MAP2: variants seen among roughly 807,000 people sequenced by gnomAD.
MAP2 encodes microtubule associated protein 2, also known as microtubule-associated protein 2.
A neutral mutation model predicts 137.6 loss-of-function variants in MAP2; 14 were observed. The ratio of observed to expected loss-of-function variants is 0.10; its 90% CI spans 0.07 to 0.16. The LOEUF (loss-of-function observed/expected upper bound fraction) is 0.16. MAP2 is among the 10% of genes least tolerant of loss of function. The probability of loss-of-function intolerance (pLI) is 1.00; values close to 1 mark genes in which losing one functional copy is unlikely to be tolerated. For synonymous variants in MAP2, 786 were observed against 782.3 expected, an observed-to-expected ratio of 1.00 and a Z score of -0.08; for missense variants, 2,088 against 2,191.5, an observed-to-expected ratio of 0.95 and a Z score of 0.94.
intron 2 of MAP2, among the ~76,000 whole-genome samples, chr2:209,543,202 G>A (rs2067362685): frequency 6.6e-6 from 1 of 152,178 alleles, no homozygotes. Context: ...AGAAATAGGG[G>A]AAAGGCCAGT....
intron 7 of MAP2, among the ~76,000 whole-genome samples, chr2:209,685,304 C>T (rs1376838052): frequency 6.6e-6 from 1 of 152,144 alleles, no homozygotes; most frequent in Non-Finnish European, 1.5e-5. Flanking sequence ...AATAAATATT[C>T]CATTTATTAT....
At chr2:209,477,537 A>G (rs1223586367) in intron 1 of MAP2, among the ~76,000 whole-genome samples, 1 of 152,192 alleles carries the variant, frequency 6.6e-6, no homozygotes, top group Non-Finnish European at 1.5e-5. Context: ...AATAAAGAAC[A>G]TTAGGCTATT....
chr2:209,616,561 T>C (rs553346149), intron 3 of MAP2, among the ~76,000 whole-genome samples: 1 of 152,340 alleles, frequency 6.6e-6, no homozygotes, highest in African/African-American at 2.4e-5. Flanking sequence ...GGAGCTCATC[T>C]ACACAAAGTT....
At chr2:209,512,900 G>A (rs984914738) in intron 2 of MAP2, among the ~76,000 whole-genome samples, 12 of 152,050 alleles carry the variant, frequency 7.9e-5, no homozygotes, top group African/African-American at 2.9e-4. Context: ...TCCTGCCTTG[G>A]CTTTCCAAAG....
chr2:209,455,726 C>G (rs749119239), intron 1 of MAP2, among the ~76,000 whole-genome samples: 12 of 152,050 alleles, frequency 7.9e-5, no homozygotes, highest in Non-Finnish European at 1.6e-4. Context: ...TTTAAAAAGC[C>G]ACCTTGTAAT....
At chr2:209,580,234 C>T (rs2076106624) in intron 3 of MAP2, 134 bp downstream of exon 3, 1 of 151,950 alleles carries the variant, frequency 6.6e-6, no homozygotes, top group Admixed American at 6.6e-5. Flanking sequence ...ATTGCATATA[C>T]CATTTTCTAT....
At chr2:209,447,818 C>T (rs762637712) in intron 1 of MAP2, among the ~76,000 whole-genome samples, 1 of 151,954 alleles carries the variant, frequency 6.6e-6, no homozygotes, top group Non-Finnish European at 1.5e-5. Context: ...TAACTCCATG[C>T]CCTAGCTAAA....
At chr2:209,506,994 G>A (rs114791246) in intron 1 of MAP2, among the ~76,000 whole-genome samples, 1,556 of 152,162 alleles carry the variant, frequency 0.01, 30 homozygotes, top group African/African-American at 0.036. Flanking sequence ...TTTTTCCTCC[G>A]CCTTCATATG....
intron 2 of MAP2, among the ~76,000 whole-genome samples, chr2:209,547,616 A>G (rs190212023): frequency 1.5e-3 from 225 of 152,266 alleles, no homozygotes; most frequent in Non-Finnish European, 2.2e-3. Context: ...TTCCTGCTCT[A>G]CTACTTATTT....
At chr2:209,556,183 G>A (rs1426557597) in intron 2 of MAP2, among the ~76,000 whole-genome samples, 1 of 151,690 alleles carries the variant, frequency 6.6e-6, no homozygotes, top group Non-Finnish European at 1.5e-5. Context: ...TGGGACTATA[G>A]GCACATACCA....
At chr2:209,715,871 C>T (rs1004224532) in intron 13 of MAP2, among the ~76,000 whole-genome samples, 4 of 152,156 alleles carry the variant, frequency 2.6e-5, no homozygotes, top group Non-Finnish European at 5.9e-5. Flanking sequence ...ATTATTACAT[C>T]TATTCAAATA....
At chr2:209,626,677 A>T (rs1249173076) in intron 4 of MAP2, among the ~76,000 whole-genome samples, 1 of 152,236 alleles carries the variant, frequency 6.6e-6, no homozygotes, top group East Asian at 1.9e-4. Flanking sequence ...TTAAAAGTTT[A>T]CATGAAGGGC....
intron 5 of MAP2, among the ~76,000 whole-genome samples, chr2:209,676,769 A>ATATC (rs1559535189): frequency 1.3e-4 from 12 of 94,176 alleles, no homozygotes; most frequent in South Asian, 1.1e-3. Flanking sequence ...ATATATATAT[A>ATATC]TATCTCCCAA....
chr2:209,602,180 TC>T (rs2083211419), intron 3 of MAP2, among the ~76,000 whole-genome samples: 1 of 152,210 alleles, frequency 6.6e-6, no homozygotes, highest in Non-Finnish European at 1.5e-5. Flanking sequence ...CTATGCATAT[TC>T]TTTTTATATT....
At chr2:209,447,184 C>G (rs1286348461) in intron 1 of MAP2, among the ~76,000 whole-genome samples, 1 of 151,920 alleles carries the variant, frequency 6.6e-6, no homozygotes, top group Non-Finnish European at 1.5e-5. Flanking sequence ...ACTAAAACAT[C>G]CTTTTTGTTC....
rs535340341 is a variant in MAP2 at position 209,536,852 on chromosome 2, G to A, written c.-172+29211G>A. On this transcript the variant is annotated intron_variant, in intron 2 of 15. Transcript: ENST00000682079. ...AAATTTAGGTTTATCCAGGACAGAA[G>A]TTTTCATCTTCACCCTTTGTTTCAA... Among the ~76,000 whole-genome samples the A allele has an allele frequency of 7.2e-5, 11 of 152,212 alleles. 1 individual carries two copies. The South Asian group carries it at 2.3e-3, about 32-fold the overall frequency.
intron 3 of MAP2, among the ~76,000 whole-genome samples, chr2:209,595,107 A>G (rs927440079): frequency 1.3e-5 from 2 of 152,166 alleles, no homozygotes; most frequent in African/African-American, 4.8e-5. Flanking sequence ...ACATTGGTAT[A>G]TTTTTCACCT....
intron 2 of MAP2, among the ~76,000 whole-genome samples, chr2:209,556,312 G>T (rs148473193): frequency 6.6e-6 from 1 of 152,112 alleles, no homozygotes; most frequent in South Asian, 2.1e-4. Flanking sequence ...CCAAAGTGCA[G>T]GGATTGTAGG....
At chr2:209,685,818 T>C (rs2153698936) in intron 7 of MAP2, among the ~76,000 whole-genome samples, 1 of 152,220 alleles carries the variant, frequency 6.6e-6, no homozygotes, top group African/African-American at 2.4e-5. Context: ...CAAAGAACAA[T>C]GACAACAAGA....
Sources: allele counts gnomAD v4.1 joint callset (sites outside exome capture counted in the v4.1 genomes callset), GRCh38; gene constraint gnomAD v4.1.1; transcripts MANE v1.5; gene names NCBI Gene and HGNC (gene_info 2026-07-23, HGNC 2026-07-21).